The following SLC2A9 variants were observed in gnomAD, a reference collection of about 807,000 sequenced individuals.
SLC2A9 encodes solute carrier family 2 member 9.
A neutral mutation model predicts 50.6 loss-of-function variants in SLC2A9; 39 were observed. The observed-to-expected ratio is 0.77, with a 90% CI of 0.60 to 1.01. The LOEUF is 1.01. Among genes scored for constraint, SLC2A9 ranks in the 50% least tolerant of loss-of-function variants. The pLI, the probability that SLC2A9 is intolerant of heterozygous loss-of-function variation, is 0.00. For synonymous variants in SLC2A9, 324 were observed against 276.9 expected, an observed-to-expected ratio of 1.17 and a Z score of -1.69; for missense variants, 686 against 677.6, an observed-to-expected ratio of 1.01 and a Z score of -0.14.
At chr4:9,788,436 C>T (rs577241459) in intron 3 of SLC2A9, among the ~76,000 whole-genome samples, 1 of 151,652 alleles carries the variant, frequency 6.6e-6, no homozygotes, top group Non-Finnish European at 1.5e-5. Flanking sequence ...AACAGACCTC[C>T]TGCCTCAGCC....
intron 5 of SLC2A9, among the ~76,000 whole-genome samples, chr4:9,959,677 A>G (rs1056824023): frequency 3.9e-5 from 6 of 152,298 alleles, no homozygotes; most frequent in Admixed American, 3.3e-4. Context: ...TGTTTTGACT[A>G]AAATAATTTA....
At chr4:10,039,370 A>G (rs1363725209) in intron 1 of SLC2A9, among the ~76,000 whole-genome samples, 2 of 152,206 alleles carry the variant, frequency 1.3e-5, no homozygotes, top group African/African-American at 4.8e-5. Context: ...ATAGTGCAAG[A>G]TGGGACGTGA....
At chr4:9,834,284 A>C (rs1294813188) in intron 11 of SLC2A9, among the ~76,000 whole-genome samples, 1 of 152,164 alleles carries the variant, frequency 6.6e-6, no homozygotes, top group Non-Finnish European at 1.5e-5. Context: ...AGGCTTTGTT[A>C]CCACTGTATC....
At chr4:9,956,280 G>A (rs1322509871) in intron 5 of SLC2A9, among the ~76,000 whole-genome samples, 5 of 151,580 alleles carry the variant, frequency 3.3e-5, no homozygotes, top group East Asian at 2.0e-4. Context: ...TCAGGAGATC[G>A]AGACCATCCT....
chr4:9,855,214 T>C (rs146828646), intron 10 of SLC2A9, among the ~76,000 whole-genome samples: 1 of 152,298 alleles, frequency 6.6e-6, no homozygotes, highest in African/African-American at 2.4e-5. Flanking sequence ...GAAAACCCCA[T>C]AGTCTCTGCC....
At chr4:9,893,597 G>A (rs372914664) in intron 8 of SLC2A9, among the ~76,000 whole-genome samples, 2 of 151,744 alleles carry the variant, frequency 1.3e-5, no homozygotes, top group East Asian at 1.9e-4. Context: ...AGTGAGGGAG[G>A]GAGGGAGACA....
intron 2 of SLC2A9, among the ~76,000 whole-genome samples, chr4:9,998,588 G>T (rs1361330151): frequency 2.0e-5 from 3 of 152,066 alleles, no homozygotes; most frequent in African/African-American, 7.2e-5. Flanking sequence ...AACAGCTTTG[G>T]CATCAGCTAG....
chr4:9,876,558 T>G (rs1457564391), intron 10 of SLC2A9, among the ~76,000 whole-genome samples: 2 of 152,186 alleles, frequency 1.3e-5, no homozygotes, highest in East Asian at 3.8e-4. Context: ...ACCACTGCAC[T>G]TCAGCCTGGG....
At chr4:9,854,711 C>A (rs1246766806) in intron 10 of SLC2A9, among the ~76,000 whole-genome samples, 1 of 152,118 alleles carries the variant, frequency 6.6e-6, no homozygotes, top group Non-Finnish European at 1.5e-5. Context: ...CAAAAATCCT[C>A]AACAAAATCC....
chr4:9,811,215 C>G (rs552561629), intron 3 of SLC2A9, among the ~76,000 whole-genome samples: 1 of 152,200 alleles, frequency 6.6e-6, no homozygotes, highest in African/African-American at 2.4e-5. Flanking sequence ...GGGTGGTAGA[C>G]AGTTTGCAAA....
intron 8 of SLC2A9, among the ~76,000 whole-genome samples, chr4:9,896,855 C>T (rs1365967177): frequency 6.6e-6 from 1 of 152,196 alleles, no homozygotes; most frequent in Non-Finnish European, 1.5e-5. Context: ...ATTACTTCAG[C>T]AACTTTTTGT....
In SLC2A9 at chr4:9,985,781, C is replaced by A. The variant is rs777498764; in HGVS notation, c.423G>T (p.Leu141Phe). ...IGKVLGRKHT[L>F]LANNGFAISA... ...AAATTGCAAACCCATTATTGGCCAG[C>A]AAAGTGTGCTTCCTGGAAAGAAAGG... The change falls in exon 4 of 12, where the codon TTG becomes TTT. Residue 141 changes from leucine to phenylalanine, a missense_variant. Coordinates refer to ENST00000264784, the MANE Select transcript of SLC2A9 (RefSeq NM_020041.3). The A allele has an allele frequency of 1.1e-5, 17 of 1,614,026 alleles. No individual in the cohort carries two copies. The East Asian group carries it at 3.8e-4, about 36-fold the overall frequency.
At chr4:9,872,060 T>A (rs918709421) in intron 10 of SLC2A9, among the ~76,000 whole-genome samples, 5 of 152,116 alleles carry the variant, frequency 3.3e-5, no homozygotes. Flanking sequence ...TCCCTCCTCA[T>A]CCAGGGACCC....
intron 1 of SLC2A9, among the ~76,000 whole-genome samples, chr4:10,036,434 C>T (rs1259064836): frequency 6.6e-6 from 1 of 152,212 alleles, no homozygotes; most frequent in Non-Finnish European, 1.5e-5. Flanking sequence ...TCAACCAATC[C>T]ATAAGGCCAT....
At position 9,868,868 on chromosome 4, in the gene SLC2A9, G is replaced by T. The variant is rs374438293; in HGVS notation, c.1291+18699C>A. On this transcript the variant is annotated intron_variant, in intron 10 of 11. Transcript: ENST00000264784. Reference sequence around the variant, plus strand: ...GCATTACATTTTGAGCAGTGGTGAGGTTCCCAGGGGGAGAACAGCTCTGTG... The same window carrying T: ...GCATTACATTTTGAGCAGTGGTGAGTTTCCCAGGGGGAGAACAGCTCTGTG... Among the ~76,000 whole-genome samples, 4 of 152,224 alleles carry T rather than the reference G, an allele frequency of 2.6e-5. No individual in the cohort carries two copies. The East Asian group carries it at 5.8e-4, about 22-fold the overall frequency.
chr4:9,877,503 T>C (rs62293286), intron 10 of SLC2A9, among the ~76,000 whole-genome samples: 18,482 of 152,278 alleles, frequency 0.12, 1,316 homozygotes, highest in African/African-American at 0.17. Flanking sequence ...AAAGGGATCA[T>C]GTATGAACAA....
At chr4:9,814,479 T>C (rs1444819769) in intron 3 of SLC2A9, among the ~76,000 whole-genome samples, 1 of 152,172 alleles carries the variant, frequency 6.6e-6, no homozygotes, top group Non-Finnish European at 1.5e-5. Flanking sequence ...GTAGTAGCCA[T>C]CTATTGCTGT....
chr4:9,956,787 C>T (rs1475006246), intron 5 of SLC2A9, among the ~76,000 whole-genome samples: 4 of 152,108 alleles, frequency 2.6e-5, no homozygotes, highest in Non-Finnish European at 4.4e-5. Context: ...TCTTGATAAA[C>T]AAGGCAGATT....
intron 10 of SLC2A9, 141 bp from the exon 11 acceptor site, chr4:9,835,149 G>A (rs772109741): frequency 6.7e-5 from 78 of 1,156,056 alleles, no homozygotes; most frequent in Middle Eastern, 2.8e-4. Context: ...TTCCTGAGTC[G>A]CCCTGGTGGC....
Sources: gnomAD v4.1 joint callset for allele counts (sites outside exome capture counted in the v4.1 genomes callset) on GRCh38, gnomAD v4.1.1 for gene constraint, MANE v1.5 for transcripts, NCBI Gene and HGNC (gene_info 2026-07-23, HGNC 2026-07-21) for gene names.